The following ST7 variants were observed in gnomAD, a reference collection of about 807,000 sequenced individuals.
ST7 encodes the protein suppression of tumorigenicity 7.
Under a neutral mutation model 78.7 loss-of-function variants are expected in ST7, and 28 were observed. The observed-to-expected ratio is 0.36, with a 90% CI of 0.26 to 0.49. The LOEUF is 0.49. ST7 is among the 20% of genes least tolerant of loss of function. The probability of loss-of-function intolerance (pLI) is 0.99; values close to 1 mark genes in which losing one functional copy is unlikely to be tolerated. For synonymous variants in ST7, 247 were observed against 249.6 expected (o/e 0.99, Z 0.10); for missense variants, 418 against 696.0 (o/e 0.60, Z 4.49).
Position 117,228,961 on chromosome 7 carries a change from G to T in ST7, c.1639-801G>T, listed in dbSNP as rs77379249. Among the ~76,000 whole-genome samples the T allele has an allele frequency of 2.1e-3, 319 of 152,324 alleles. 1 individual carries two copies. Among genetic ancestry groups the T allele is most frequent in the African/African-American group, 6.8e-3 (281 of 41,566 alleles). On this transcript the variant is annotated intron_variant, in intron 15 of 15. Transcript: ENST00000323984. ...CTGACTGGGATAGGGCACCTCTTCT[G>T]CCAGATGCTGGATGGGGTGTGGAAT...
intron 1 of ST7, among the ~76,000 whole-genome samples, chr7:116,990,423 T>C (rs748348227): frequency 1.3e-5 from 2 of 152,136 alleles, no homozygotes; most frequent in Non-Finnish European, 2.9e-5. Flanking sequence ...CTCTAAGGGG[T>C]TAGTGTTGTT....
At chr7:117,142,552 A>G (rs1325162643) in intron 9 of ST7, among the ~76,000 whole-genome samples, 1 of 151,860 alleles carries the variant, frequency 6.6e-6, no homozygotes, top group Admixed American at 6.6e-5. Context: ...ATTAAGAACC[A>G]CTGATCTAGA....
intron 2 of ST7, among the ~76,000 whole-genome samples, chr7:117,104,516 G>A (rs1434322842): frequency 6.6e-6 from 1 of 152,224 alleles, no homozygotes; most frequent in African/African-American, 2.4e-5. Flanking sequence ...CTTGTACACT[G>A]TTGGTGGGAT....
intron 13 of ST7, among the ~76,000 whole-genome samples, chr7:117,215,626 G>GCAGTCAT (rs1792630960): frequency 1.3e-5 from 2 of 152,308 alleles, no homozygotes; most frequent in Admixed American, 1.3e-4. Flanking sequence ...ATACGCTAGT[G>GCAGTCAT]AGCCTAGGCA....
intron 1 of ST7, among the ~76,000 whole-genome samples, chr7:116,973,382 CG>C (rs1562986541): frequency 3.3e-5 from 5 of 152,146 alleles, no homozygotes; most frequent in Non-Finnish European, 5.9e-5. Flanking sequence ...CTCAGCCTCC[CG>C]AGTAGCTGGG....
chr7:117,223,180 G>T, intron 15 of ST7: 1 of 583,078 alleles, frequency 1.7e-6, no homozygotes, highest in East Asian at 2.9e-5. Context: ...CAGTAAATGT[G>T]ATTCACCTCT....
At position 117,136,167 on chromosome 7, in the gene ST7, C is replaced by T; in HGVS notation, c.797C>T (p.Ala266Val). 1 of 1,613,602 alleles carries T rather than the reference C, an allele frequency of 6.2e-7. No individual in the cohort carries two copies. The highest frequency in any genetic ancestry group is 8.5e-7 in the Non-Finnish European group (1 of 1,179,682). Residue 266 changes from alanine (A) to valine (V), a missense_variant, in exon 8 of 16, where the codon GCT becomes GTT. This residue lies in a region of ST7 where 288 missense variants were observed against 537.1 expected (regional missense o/e 0.54). Transcript: ENST00000323984. ...AAATTATTTAAGCAGGCCCTGAAGG[C>T]TGGAGATGGCTGTTACCGACGCTCT... Reference protein sequence around the residue: ...AEKLFKQALKAGDGCYRRSQQ... With the variant: ...AEKLFKQALKVGDGCYRRSQQ...
At chr7:117,109,271 T>TA (rs1415064766) in intron 2 of ST7, among the ~76,000 whole-genome samples, 1 of 152,156 alleles carries the variant, frequency 6.6e-6, no homozygotes, top group Non-Finnish European at 1.5e-5. Flanking sequence ...ATGTCCCTTC[T>TA]ATGCCAATTC....
At chr7:117,112,485 T>C (rs1231790358) in intron 2 of ST7, 1 of 152,204 alleles carries the variant, frequency 6.6e-6, no homozygotes, top group Non-Finnish European at 1.5e-5. Flanking sequence ...AGTTAAATCA[T>C]GAGATTTGAA....
intron 1 of ST7, among the ~76,000 whole-genome samples, chr7:117,063,704 G>A (rs542307008): frequency 8.1e-4 from 124 of 152,206 alleles, no homozygotes; most frequent in Middle Eastern, 6.8e-3. Context: ...GCAAGACCCG[G>A]TCTCAAAATA....
rs539523856 is a variant in ST7, at chr7:117,183,612, C to G, written c.1079-5709C>G. Among the ~76,000 whole-genome samples the G allele has an allele frequency of 1.2e-4, 18 of 152,238 alleles. No individual in the cohort carries two copies. The South Asian group carries it at 2.9e-3, about 25-fold the overall frequency. Reference sequence around the variant, plus strand: ...CTCCCTTCTAGCCAATAACTGCCCTCCAGCCCAGCAGTAACCACTTTCCTT... The same window carrying G: ...CTCCCTTCTAGCCAATAACTGCCCTGCAGCCCAGCAGTAACCACTTTCCTT... On this transcript the variant is annotated intron_variant, in intron 10 of 15. Coordinates refer to ENST00000323984, the MANE Select transcript of ST7 (RefSeq NM_001369598.1).
intron 1 of ST7, among the ~76,000 whole-genome samples, chr7:117,073,632 G>A (rs192630238): frequency 5.9e-5 from 9 of 152,116 alleles, no homozygotes; most frequent in African/African-American, 1.9e-4. Flanking sequence ...GCCACTACTC[G>A]TATGACTCAA....
At chr7:117,006,736 A>G (rs1205073360) in intron 1 of ST7, among the ~76,000 whole-genome samples, 3 of 152,216 alleles carry the variant, frequency 2.0e-5, no homozygotes. Flanking sequence ...TGCATTGAGC[A>G]TCTGTCGTGC....
chr7:117,028,002 G>T (rs1428285130), intron 1 of ST7, among the ~76,000 whole-genome samples: 1 of 152,122 alleles, frequency 6.6e-6, no homozygotes, highest in Non-Finnish European at 1.5e-5. Context: ...CTAGGCCAAG[G>T]AGTTTATCAC....
chr7:116,999,050 G>T (rs1338693700), intron 1 of ST7, among the ~76,000 whole-genome samples: 1 of 152,172 alleles, frequency 6.6e-6, no homozygotes, highest in Admixed American at 6.5e-5. Flanking sequence ...GAGAACCTTG[G>T]CTTACCATGC....
Position 117,192,003 on chromosome 7 carries a change from T to C in ST7, c.1254+1067T>C, listed in dbSNP as rs537373791. Among the ~76,000 whole-genome samples the C allele has an allele frequency of 1.3e-5, 2 of 152,314 alleles. 1 individual carries two copies. Among genetic ancestry groups the C allele is most frequent in the Admixed American group, 1.3e-4 (2 of 15,304 alleles). Reference sequence around the variant, plus strand: ...TCAAGTCTAGGTCATTTTTTTCACTTAGCAGGAAATTGAAGAGTGGTTCAC... The same window carrying C: ...TCAAGTCTAGGTCATTTTTTTCACTCAGCAGGAAATTGAAGAGTGGTTCAC... On this transcript the variant is annotated intron_variant, in intron 12 of 15. Coordinates refer to ENST00000323984, the MANE Select transcript of ST7 (RefSeq NM_001369598.1).
At chr7:116,974,839 AAGTG>A (rs1793616458) in intron 1 of ST7, among the ~76,000 whole-genome samples, 1 of 152,208 alleles carries the variant, frequency 6.6e-6, no homozygotes, top group Non-Finnish European at 1.5e-5. Flanking sequence ...AAGGTGAGGC[AAGTG>A]AGGTTGCTTA....
chr7:117,214,104 A>G (rs1792500057), intron 13 of ST7, among the ~76,000 whole-genome samples: 1 of 151,978 alleles, frequency 6.6e-6, no homozygotes, highest in East Asian at 1.9e-4. Flanking sequence ...TGATCTTTTC[A>G]AGGCTGTGTT....
intron 9 of ST7, among the ~76,000 whole-genome samples, chr7:117,166,804 G>A (rs950364467): frequency 2.0e-5 from 3 of 151,954 alleles, no homozygotes; most frequent in Non-Finnish European, 4.4e-5. Context: ...CAGGAGAATG[G>A]CATGAACCTG....
Sources: gnomAD v4.1 joint callset for allele counts (sites outside exome capture counted in the v4.1 genomes callset) on GRCh38, gnomAD v4.1.1 for gene constraint, gnomAD v4.1.1 regional missense constraint, MANE v1.5 for transcripts, NCBI Gene and HGNC (gene_info 2026-07-23, HGNC 2026-07-21) for gene names.